Variants in ADAMTS2 observed in about 807,000 individuals in gnomAD.
ADAMTS2 encodes the protein A disintegrin and metalloproteinase with thrombospondin motifs 2.
ADAMTS2 carries 50 observed loss-of-function variants against 123.0 expected under a neutral mutation model. That is an observed-to-expected ratio of 0.41 (90% CI 0.32 to 0.51). The LOEUF (loss-of-function observed/expected upper bound fraction) is 0.51. ADAMTS2 is among the 20% of genes least tolerant of loss of function. The pLI, the probability that ADAMTS2 is intolerant of heterozygous loss-of-function variation, is 0.35. For missense variants in ADAMTS2, 1,494 were observed against 1,705.2 expected (o/e 0.88, Z 2.18); for synonymous variants, 678 against 695.4 (o/e 0.98, Z 0.39).
rs1762610409 is a variant in ADAMTS2, at chr5:179,113,685, C to T, written c.*182G>A. On this transcript the variant is annotated 3_prime_UTR_variant, in exon 22 of 22. Transcript: ENST00000251582. Reference sequence around the variant, plus strand: ...GGTCGCTCCTGGGCTGGGAAGCACACGTGCTAACCTAGTTACCACATGCTC... The same window carrying T: ...GGTCGCTCCTGGGCTGGGAAGCACATGTGCTAACCTAGTTACCACATGCTC... 2 of 664,758 alleles carry T rather than the reference C, an allele frequency of 3.0e-6. No individual in the cohort carries two copies. The highest frequency in any genetic ancestry group is 5.2e-6 in the Non-Finnish European group (2 of 384,226). The allele number at this position is 664,758 out of a possible 1,614,324, so 41.2% of individuals were successfully genotyped here.
chr5:179,223,179 C>T (rs572852237), intron 3 of ADAMTS2, among the ~76,000 whole-genome samples: 2 of 152,366 alleles, frequency 1.3e-5, no homozygotes, highest in South Asian at 2.1e-4. Flanking sequence ...TCTGGGGTGT[C>T]ACCATCACAG....
intron 4 of ADAMTS2, among the ~76,000 whole-genome samples, chr5:179,199,140 G>A (rs867011900): frequency 6.6e-6 from 1 of 152,206 alleles, no homozygotes; most frequent in Non-Finnish European, 1.5e-5. Context: ...AGATGACCAG[G>A]GCCTATCCTC....
At chr5:179,300,733 C>T (rs1756491692) in intron 2 of ADAMTS2, among the ~76,000 whole-genome samples, 1 of 152,202 alleles carries the variant, frequency 6.6e-6, no homozygotes, top group Non-Finnish European at 1.5e-5. Context: ...ATGATGTGCA[C>T]ACTCAAAAGT....
chr5:179,238,965 G>A (rs1765597299), intron 3 of ADAMTS2, among the ~76,000 whole-genome samples: 1 of 152,146 alleles, frequency 6.6e-6, no homozygotes, highest in African/African-American at 2.4e-5. Flanking sequence ...ATGAATGGTT[G>A]CCTGGAAGGT....
intron 21 of ADAMTS2, among the ~76,000 whole-genome samples, chr5:179,119,084 GGGCTGTA>G (rs1762709255): frequency 6.6e-6 from 1 of 152,226 alleles, no homozygotes; most frequent in South Asian, 2.1e-4. Flanking sequence ...CTTGGCACCT[GGGCTGTA>G]GGCGGCGTCT....
chr5:179,282,204 G>C (rs530303985), intron 2 of ADAMTS2, among the ~76,000 whole-genome samples: 4 of 152,262 alleles, frequency 2.6e-5, no homozygotes, highest in Non-Finnish European at 5.9e-5. Context: ...TCATATCTAA[G>C]ACTTTGCCTA....
chr5:179,167,542 A>ATGG (rs896568694), intron 5 of ADAMTS2, among the ~76,000 whole-genome samples: 1 of 152,022 alleles, frequency 6.6e-6, no homozygotes, highest in Non-Finnish European at 1.5e-5. Context: ...GGAAACCGGG[A>ATGG]TGGGGATCAG....
At chr5:179,154,617 T>C (rs1043239750) in intron 7 of ADAMTS2, among the ~76,000 whole-genome samples, 197 bp downstream of exon 7, 1 of 152,184 alleles carries the variant, frequency 6.6e-6, no homozygotes, top group African/African-American at 2.4e-5. Flanking sequence ...AGGCAAGCCC[T>C]TCCTCCTTCA....
Position 179,202,586 on chromosome 5 carries a change from G to A in ADAMTS2, c.891+4927C>T, listed in dbSNP as rs1022461039. 6.6e-6 allele frequency among the ~76,000 whole-genome samples: 1 copy of A among 152,134 alleles called. No homozygotes were observed. Among genetic ancestry groups the A allele is most frequent in the Admixed American group, 6.5e-5 (1 of 15,276 alleles). The stretch of plus-strand genomic sequence containing the variant: ...TGTCATGCTCACAGCTGCACCCCTT[G>A]CCTGACATATAATAGACGCCCCATA... On this transcript the variant is annotated intron_variant, in intron 4 of 21. Coordinates refer to ENST00000251582, the MANE Select transcript of ADAMTS2 (RefSeq NM_014244.5). This position sits in a 1 kb window ranked among gnomAD's most constrained non-coding sequence, Gnocchi z 4.0.
intron 4 of ADAMTS2, among the ~76,000 whole-genome samples, chr5:179,204,170 G>A (rs777377223): frequency 6.6e-6 from 1 of 152,194 alleles, no homozygotes; most frequent in Non-Finnish European, 1.5e-5. Flanking sequence ...AAAGTGGAGT[G>A]GTGGGTGCCA....
chr5:179,162,066 C>T lies in ADAMTS2; in HGVS notation c.976-3187G>A, dbSNP rs368049561. ...GAAAGGGGCCTTGCTTCCTCCAGGGCACGTCTCCCAGCATCAGTGTCAAGG... is the reference window on the plus strand; with the variant it reads ...GAAAGGGGCCTTGCTTCCTCCAGGGTACGTCTCCCAGCATCAGTGTCAAGG... On this transcript the variant is annotated intron_variant, in intron 5 of 21. Transcript: ENST00000251582. This position sits in a 1 kb window ranked among gnomAD's most constrained non-coding sequence, Gnocchi z 5.1. Among the ~76,000 whole-genome samples the T allele has an allele frequency of 3.9e-5, 6 of 152,244 alleles. No individual in the cohort carries two copies. In the East Asian group the frequency reaches 1.2e-3, roughly 29 times the overall value.
At chr5:179,322,073 G>A (rs116762514) in intron 2 of ADAMTS2, among the ~76,000 whole-genome samples, 171 of 152,360 alleles carry the variant, frequency 1.1e-3, no homozygotes, top group African/African-American at 3.7e-3. Flanking sequence ...GTGCATGGAC[G>A]TGGGAGACAC....
chr5:179,125,925 C>A (rs936679714), intron 18 of ADAMTS2, 73 bp downstream of exon 18: 3 of 1,599,508 alleles, frequency 1.9e-6, no homozygotes, highest in Non-Finnish European at 2.6e-6. Context: ...AGGCCCCACA[C>A]CTCCAAGCAC....
intron 3 of ADAMTS2, among the ~76,000 whole-genome samples, chr5:179,245,765 C>CAAAAAAA (rs1171837041): frequency 9.9e-4 from 17 of 17,194 alleles, no homozygotes; most frequent in Admixed American, 1.2e-3. Context: ...GACTCCGTCT[C>CAAAAAAA]AAAAAAAAAA....
chr5:179,148,416 C>G (rs576800827), intron 10 of ADAMTS2, among the ~76,000 whole-genome samples: 7 of 152,336 alleles, frequency 4.6e-5, no homozygotes, highest in Admixed American at 1.3e-4. Flanking sequence ...TAGCCAGTGA[C>G]TGGTCAGGGT....
rs890116827 is a variant in ADAMTS2, at chr5:179,256,594, G to A, written c.688+16317C>T. ...ACGTGTAACTACCAACCAGAGTCCA[G>A]GAGTCTCACACTCCACTGCAAACCA... On this transcript the variant is annotated intron_variant, in intron 3 of 21. Transcript: ENST00000251582. The surrounding 1 kb of genome is among the most constrained non-coding windows in gnomAD (Gnocchi z 4.1). Among the ~76,000 whole-genome samples the A allele has an allele frequency of 2.0e-5, 3 of 152,204 alleles. No homozygotes were observed. The highest frequency in any genetic ancestry group is 7.2e-5 in the African/African-American group (3 of 41,438).
intron 19 of ADAMTS2, 113 bp from the exon 20 acceptor site, chr5:179,122,886 G>A (rs1762789937): frequency 1.4e-6 from 2 of 1,479,950 alleles, no homozygotes; most frequent in Admixed American, 2.0e-5. Flanking sequence ...AGGAGGAGGT[G>A]TGGGACAGTG....
chr5:179,343,759 G>C lies in ADAMTS2; in HGVS notation c.534+8C>G. The C allele has an allele frequency of 6.2e-7, 1 of 1,609,470 alleles. No homozygotes were observed. On this transcript the variant is annotated splice_region_variant and intron_variant, in intron 2 of 21. Coordinates refer to ENST00000251582, the MANE Select transcript of ADAMTS2 (RefSeq NM_014244.5). Reference sequence around the variant, plus strand: ...GGAGAGAAAGGAGCTAGAGAAGTGCGTACTCACCAGCCCATCGCAGTTGCT... The same window carrying C: ...GGAGAGAAAGGAGCTAGAGAAGTGCCTACTCACCAGCCCATCGCAGTTGCT...
chr5:179,320,881 C>A (rs1361438666), intron 2 of ADAMTS2, among the ~76,000 whole-genome samples: 1 of 152,146 alleles, frequency 6.6e-6, no homozygotes, highest in African/African-American at 2.4e-5. Flanking sequence ...AATGCAGCAG[C>A]TGCCTGCATC....
Sources: gnomAD v4.1 joint callset for allele counts (sites outside exome capture counted in the v4.1 genomes callset) on GRCh38, gnomAD v4.1.1 for gene constraint, Gnocchi (gnomAD v3.1) non-coding constraint, MANE v1.5 for transcripts, NCBI Gene and HGNC (gene_info 2026-07-23, HGNC 2026-07-21) for gene names.